MDN1: variants seen among roughly 807,000 people sequenced by gnomAD.
The protein encoded by MDN1 is midasin.
A neutral mutation model predicts 669.2 loss-of-function variants in MDN1; 266 were observed. That is an observed-to-expected ratio of 0.40 (90% CI 0.36 to 0.44). The LOEUF (loss-of-function observed/expected upper bound fraction) is 0.44. Among genes scored for constraint, MDN1 ranks in the 20% least tolerant of loss-of-function variants. The pLI, the probability that MDN1 is intolerant of heterozygous loss-of-function variation, is 1.00. For missense variants in MDN1, 5,940 were observed against 6,754.0 expected (o/e 0.88, Z 4.22); for synonymous variants, 2,385 against 2,457.1 (o/e 0.97, Z 0.87).
At chr6:89,773,293 G>C (rs1818198010) in intron 13 of MDN1, among the ~76,000 whole-genome samples, 1 of 152,232 alleles carries the variant, frequency 6.6e-6, no homozygotes, top group East Asian at 1.9e-4. Flanking sequence ...TGTAACCCCA[G>C]CATTTTGGGA....
rs764820969 is a variant in MDN1 at position 89,803,448 on chromosome 6, A to T, written c.209T>A (p.Leu70Ter). ...TTCGGCATTCCTTTCCAGCAAATCC[A>T]AAAGGAGAGGGCGAAGCTGGCGACC... ...LVGRQLRPLL[L>*]DLLERNAEAI... The change falls in exon 2 of 102, where the codon TTG becomes TAG. Residue 70 changes from leucine to a stop codon, truncating the protein, a stop_gained. Coordinates refer to ENST00000369393, the MANE Select transcript of MDN1 (RefSeq NM_014611.3). LOFTEE classifies it high-confidence loss of function. The T allele has an allele frequency of 6.2e-7, 1 of 1,614,036 alleles. No individual in the cohort carries two copies. The highest frequency in any genetic ancestry group is 1.7e-5 in the Admixed American group (1 of 59,990).
chr6:89,683,113 C>A lies in MDN1; in HGVS notation c.12102+19G>T. The A allele has an allele frequency of 6.2e-7, 1 of 1,613,294 alleles. No individual in the cohort carries two copies. The highest frequency in any genetic ancestry group is 1.1e-5 in the South Asian group (1 of 90,958). The stretch of plus-strand genomic sequence containing the variant: ...TGACTGGCTTGGGAATAAGCCAGCA[C>A]TGTCCCACAACCAAGTACCTGCCCA... On this transcript the variant is annotated intron_variant, in intron 73 of 101. Transcript: ENST00000369393.
chr6:89,672,112 C>T, intron 82 of MDN1, 88 bp downstream of exon 82: 2 of 1,384,066 alleles, frequency 1.4e-6, no homozygotes, highest in Non-Finnish European at 9.5e-7. Context: ...TGCTCTGGCA[C>T]TTATCTACGT....
chr6:89,731,551 T>A (rs931512789), intron 34 of MDN1, among the ~76,000 whole-genome samples: 1 of 151,284 alleles, frequency 6.6e-6, no homozygotes, highest in South Asian at 2.1e-4. Context: ...TAAGTGGGAG[T>A]TGAACAATGA....
intron 52 of MDN1, among the ~76,000 whole-genome samples, chr6:89,706,520 A>T (rs988559199): frequency 2.6e-5 from 4 of 152,140 alleles, no homozygotes; most frequent in Non-Finnish European, 5.9e-5. Context: ...CATGAAACAA[A>T]GTTTGGACTG....
rs1219973833 is a variant in MDN1 at position 89,700,701 on chromosome 6, G to A, written c.8583C>T (p.Leu2861=). The change falls in exon 56 of 102, where the codon CTC becomes CTT. Residue 2861 remains leucine (L), a synonymous_variant. Transcript: ENST00000369393. ...TGAGGATCAGTCCCCAGGCTTGCAG[G>A]AGACTTTTCTTTAATGTCCACTGAG... ...VASQWTLKKS[L]LQAWGLILRA... The A allele has an allele frequency of 1.2e-6, 2 of 1,614,190 alleles. No individual in the cohort carries two copies. The highest frequency in any genetic ancestry group is 1.7e-6 in the Non-Finnish European group (2 of 1,180,034).
Position 89,695,522 on chromosome 6 carries a change from A to C in MDN1, c.9771+83T>G. The C allele has an allele frequency of 6.7e-7, 1 of 1,492,018 alleles. No individual in the cohort carries two copies. The highest frequency in any genetic ancestry group is 9.0e-7 in the Non-Finnish European group (1 of 1,110,522). The allele number at this position is 1,492,018 out of a possible 1,614,324, so 92.4% of individuals were successfully genotyped here. ...ATGCTTGTGATGATCTGAGCACCCA[A>C]AAGGGAATAAAAGGAGTAATACAAT... is the stretch of plus-strand genomic sequence containing the variant. On this transcript the variant is annotated intron_variant, in intron 61 of 101. Coordinates refer to ENST00000369393, the MANE Select transcript of MDN1 (RefSeq NM_014611.3). The surrounding 1 kb of genome is among the most constrained non-coding windows in gnomAD (Gnocchi z 4.1).
At chr6:89,770,919 T>C (rs976294309) in intron 15 of MDN1, among the ~76,000 whole-genome samples, 1 of 151,932 alleles carries the variant, frequency 6.6e-6, no homozygotes, top group Non-Finnish European at 1.5e-5. Context: ...GCCTCAAGTG[T>C]TCATTAAAAT....
At chr6:89,737,845 T>A (rs1025782672) in intron 33 of MDN1, among the ~76,000 whole-genome samples, 1 of 151,572 alleles carries the variant, frequency 6.6e-6, no homozygotes, top group African/African-American at 2.4e-5. Flanking sequence ...TGCCTCAGCC[T>A]CCCAAGTAGC....
At chr6:89,738,536 A>G in intron 32 of MDN1, 81 bp from the exon 33 acceptor site, 1 of 1,496,368 alleles carries the variant, frequency 6.7e-7, no homozygotes, top group Non-Finnish European at 9.2e-7. Context: ...GAATGTTGTT[A>G]GCTGTTAAGT....
chr6:89,670,170 A>ATATATATTTTTT (rs1444537561), intron 83 of MDN1, among the ~76,000 whole-genome samples: 11 of 23,412 alleles, frequency 4.7e-4, no homozygotes, highest in East Asian at 6.7e-3. Flanking sequence ...ATATATATAT[A>ATATATATTTTTT]TTTTTTTTTT....
At position 89,773,677 on chromosome 6, in the gene MDN1, G is replaced by C. The variant is rs1213048069; in HGVS notation, c.1934+944C>G. On this transcript the variant is annotated intron_variant, in intron 13 of 101. Coordinates refer to ENST00000369393, the MANE Select transcript of MDN1 (RefSeq NM_014611.3). Reference sequence around the variant, plus strand: ...GGACTGCTGGGAGCCAAAGAAACCAGGAAGAGGCCAGGCACCGTGGCTCAG... The same window carrying C: ...GGACTGCTGGGAGCCAAAGAAACCACGAAGAGGCCAGGCACCGTGGCTCAG... Among the ~76,000 whole-genome samples, 5 of 151,982 alleles carry C rather than the reference G, an allele frequency of 3.3e-5. No individual in the cohort carries two copies. In the East Asian group the frequency reaches 9.7e-4, roughly 29 times the overall value.
intron 5 of MDN1, among the ~76,000 whole-genome samples, chr6:89,790,983 A>G (rs943353680): frequency 6.6e-6 from 1 of 152,242 alleles, no homozygotes; most frequent in Non-Finnish European, 1.5e-5. Context: ...AGATCGTGCC[A>G]CTGCACTCCA....
chr6:89,774,586 C>G (rs769021551), intron 13 of MDN1, 35 bp downstream of exon 13: 2 of 1,511,416 alleles, frequency 1.3e-6, no homozygotes, highest in Admixed American at 3.4e-5. Flanking sequence ...TCTGGAAACC[C>G]CACAGTTGGC....
At chr6:89,706,478 T>C (rs1813523734) in intron 52 of MDN1, among the ~76,000 whole-genome samples, 1 of 152,166 alleles carries the variant, frequency 6.6e-6, no homozygotes, top group African/African-American at 2.4e-5. Flanking sequence ...AGTCCAAATT[T>C]TCTATTTTAC....
intron 5 of MDN1, among the ~76,000 whole-genome samples, chr6:89,792,015 C>T (rs1819296538): frequency 6.6e-6 from 1 of 151,610 alleles, no homozygotes. Context: ...CTACAGGTGC[C>T]TGCCACCAAG....
chr6:89,726,643 T>C (rs1426943890), intron 37 of MDN1, among the ~76,000 whole-genome samples: 1 of 152,180 alleles, frequency 6.6e-6, no homozygotes, highest in East Asian at 1.9e-4. Flanking sequence ...ATACAGCTGA[T>C]TTCCACCAAT....
chr6:89,731,705 A>C (rs1420729054), intron 34 of MDN1, among the ~76,000 whole-genome samples: 1 of 151,904 alleles, frequency 6.6e-6, no homozygotes, highest in Non-Finnish European at 1.5e-5. Context: ...GCGGCAAACC[A>C]CCATGGCACA....
chr6:89,689,979 G>C lies in MDN1; in HGVS notation c.10914C>G (p.Leu3638=). The change falls in exon 65 of 102, where the codon CTC becomes CTG. Residue 3638 remains leucine, a synonymous_variant. Coordinates refer to ENST00000369393, the MANE Select transcript of MDN1 (RefSeq NM_014611.3). ...GTGGCGGCAGAGTCTGTTGATACCA[G>C]AGGGATCGAGCAAAGTTGAGACACA... ...QQLCLNFARS[L]WYQQTLPPHE... is the part of the protein sequence containing the mutation. 4 of 1,614,204 alleles carry C rather than the reference G, an allele frequency of 2.5e-6. No individual in the cohort carries two copies. The highest frequency in any genetic ancestry group is 3.4e-6 in the Non-Finnish European group (4 of 1,180,032).
Sources: allele counts gnomAD v4.1 joint callset (sites outside exome capture counted in the v4.1 genomes callset), GRCh38; gene constraint gnomAD v4.1.1; non-coding constraint Gnocchi (gnomAD v3.1); transcripts MANE v1.5; gene names NCBI Gene and HGNC (gene_info 2026-07-23, HGNC 2026-07-21).